The following ETFA variants were observed in gnomAD, a reference collection of about 807,000 sequenced individuals.
ETFA encodes the protein electron transfer flavoprotein subunit alpha.
A neutral mutation model predicts 46.2 loss-of-function variants in ETFA; 22 were observed. That is an observed-to-expected ratio of 0.48 (90% CI 0.34 to 0.68). The LOEUF is 0.68. ETFA is among the 30% of genes least tolerant of loss of function. ETFA has a pLI of 0.01. For missense variants in ETFA, 345 were observed against 401.1 expected (o/e 0.86, Z 1.19); for synonymous variants, 131 against 139.9 (o/e 0.94, Z 0.45).
chr15:76,311,458 C>G lies in ETFA; in HGVS notation c.-70G>C. On this transcript the variant is annotated 5_prime_UTR_variant, in exon 1 of 12. Transcript: ENST00000557943. ...CCCGGCCAACTGGCGCCGCCTCAGC[C>G]AGTCACCTAATGCTCGCGAGACGCG... The G allele has an allele frequency of 6.5e-7, 1 of 1,529,002 alleles. No homozygotes were observed. The highest frequency in any genetic ancestry group is 2.0e-5 in the Admixed American group (1 of 50,976). 94.7% of individuals were successfully genotyped at this position (1,529,002 alleles called of 1,614,324 possible).
At chr15:76,303,829 G>A (rs921967486) in intron 1 of ETFA, among the ~76,000 whole-genome samples, 1 of 152,330 alleles carries the variant, frequency 6.6e-6, no homozygotes. Context: ...GAAAAGGAAC[G>A]CTTATATACT....
chr15:76,249,502 C>T (rs1411689611), intron 9 of ETFA, among the ~76,000 whole-genome samples: 1 of 137,848 alleles, frequency 7.3e-6, no homozygotes, highest in African/African-American at 2.8e-5. Context: ...AGTGCAGTGG[C>T]GCGATCTCGG....
chr15:76,227,291 C>T (rs1412266244), intron 10 of ETFA, among the ~76,000 whole-genome samples: 1 of 151,744 alleles, frequency 6.6e-6, no homozygotes, highest in Non-Finnish European at 1.5e-5. Flanking sequence ...CTGAGGCAGG[C>T]GGATCACTTG....
chr15:76,287,762 G>C (rs1398431144), intron 5 of ETFA, 84 bp downstream of exon 5: 1 of 1,036,672 alleles, frequency 9.6e-7, no homozygotes, highest in Non-Finnish European at 1.5e-6. Context: ...TGTATGGTTT[G>C]ATTTAAAATT....
At chr15:76,253,507 G>C (rs1226477367) in intron 9 of ETFA, among the ~76,000 whole-genome samples, 1 of 151,958 alleles carries the variant, frequency 6.6e-6, no homozygotes, top group Non-Finnish European at 1.5e-5. Flanking sequence ...AAAATGAGAG[G>C]ATTTTCAAAC....
intron 10 of ETFA, chr15:76,226,327 G>C: frequency 4.9e-6 from 1 of 204,826 alleles, no homozygotes; most frequent in South Asian, 7.8e-5. Flanking sequence ...GCTCATACCT[G>C]TAATCCCAGC....
chr15:76,278,588 A>G (rs937695313), intron 8 of ETFA, among the ~76,000 whole-genome samples: 4 of 152,202 alleles, frequency 2.6e-5, no homozygotes, highest in Non-Finnish European at 5.9e-5. Flanking sequence ...TTTCCTCTAA[A>G]TAAATAAACC....
chr15:76,264,025 T>C (rs2039445926), intron 9 of ETFA, among the ~76,000 whole-genome samples: 2 of 152,154 alleles, frequency 1.3e-5, no homozygotes, highest in Admixed American at 1.3e-4. Context: ...CTATACAAAA[T>C]TCTATTCAAA....
At chr15:76,289,302 T>C in intron 4 of ETFA, among the ~76,000 whole-genome samples, 1 of 152,162 alleles carries the variant, frequency 6.6e-6, no homozygotes, top group South Asian at 2.1e-4. Context: ...CAGTAAGTAA[T>C]CCTCCTCCTG....
chr15:76,241,998 G>A lies in ETFA; in HGVS notation c.817-10600C>T, dbSNP rs1049243971. Among the ~76,000 whole-genome samples, 12 of 151,616 alleles carry A rather than the reference G, an allele frequency of 7.9e-5. No individual in the cohort carries two copies. In the East Asian group the frequency reaches 2.2e-3, roughly 28 times the overall value. ...ACTACAGGTGTGCGCCACCACGCCCGGCTAATTTTTGTATTTTTAGTAGAG... is the reference window on the plus strand; with the variant it reads ...ACTACAGGTGTGCGCCACCACGCCCAGCTAATTTTTGTATTTTTAGTAGAG... On this transcript the variant is annotated intron_variant, in intron 9 of 11. Transcript: ENST00000557943.
chr15:76,249,918 A>G (rs2039281204), intron 9 of ETFA, among the ~76,000 whole-genome samples: 1 of 152,236 alleles, frequency 6.6e-6, no homozygotes, highest in African/African-American at 2.4e-5. Context: ...ATAAGCTGGA[A>G]TAACCACTTT....
chr15:76,260,881 C>T (rs1394836531), intron 9 of ETFA: 10 of 1,611,790 alleles, frequency 6.2e-6, no homozygotes, highest in Admixed American at 3.3e-5. Context: ...GGCACAAGGA[C>T]CACAACAGCC....
At chr15:76,262,300 T>C (rs1290525555) in intron 9 of ETFA, among the ~76,000 whole-genome samples, 1 of 151,328 alleles carries the variant, frequency 6.6e-6, no homozygotes, top group African/African-American at 2.4e-5. Flanking sequence ...CTAAAACATG[T>C]GTAACTAGAG....
chr15:76,286,544 G>T, intron 5 of ETFA, 63 bp from the exon 6 acceptor site: 1 of 976,984 alleles, frequency 1.0e-6, no homozygotes, highest in Non-Finnish European at 1.6e-6. Flanking sequence ...GCACTCCTTT[G>T]ATGCTTGGAA....
chr15:76,220,014 G>C (rs182440774), intron 11 of ETFA, among the ~76,000 whole-genome samples: 1 of 152,336 alleles, frequency 6.6e-6, no homozygotes, highest in Non-Finnish European at 1.5e-5. Context: ...AGGGGCTTGA[G>C]CAGATACTTG....
intron 1 of ETFA, 95 bp from the exon 2 acceptor site, chr15:76,295,832 G>A: frequency 2.4e-6 from 2 of 840,038 alleles, no homozygotes; most frequent in African/African-American, 1.9e-5. Context: ...ATGCTTTAAA[G>A]AAAACTATTC....
intron 9 of ETFA, among the ~76,000 whole-genome samples, chr15:76,247,522 T>A (rs1266901612): frequency 6.6e-6 from 1 of 152,230 alleles, no homozygotes; most frequent in Non-Finnish European, 1.5e-5. Context: ...GACTCACCAC[T>A]GAACCGCAAC....
intron 10 of ETFA, 60 bp from the exon 11 acceptor site, chr15:76,225,989 A>G: frequency 1.1e-6 from 1 of 918,498 alleles, no homozygotes; most frequent in South Asian, 1.4e-5. Context: ...ACAGACTGAT[A>G]GTTCTATTTT....
At chr15:76,286,510 C>T in intron 5 of ETFA, 29 bp from the exon 6 acceptor site, 1 of 1,487,038 alleles carries the variant, frequency 6.7e-7, no homozygotes. Flanking sequence ...TTCTTAAAAG[C>T]AACAGCAAAA....
Sources: allele counts gnomAD v4.1 joint callset (sites outside exome capture counted in the v4.1 genomes callset), GRCh38; gene constraint gnomAD v4.1.1; transcripts MANE v1.5; gene names NCBI Gene and HGNC (gene_info 2026-07-23, HGNC 2026-07-21).